RAD51B: variants seen among roughly 807,000 people sequenced by gnomAD.
The protein encoded by RAD51B is RAD51 paralog B.
Under a neutral mutation model 42.2 loss-of-function variants are expected in RAD51B, and 38 were observed. The ratio of observed to expected loss-of-function variants is 0.90; its 90% CI spans 0.70 to 1.18. RAD51B has a LOEUF of 1.18. Ranked by LOEUF, RAD51B falls within the 50% of genes most tolerant of loss-of-function variation. The pLI, the probability that RAD51B is intolerant of heterozygous loss-of-function variation, is 0.00. For synonymous variants in RAD51B, 154 were observed against 145.2 expected (o/e 1.06, Z -0.43); for missense variants, 373 against 400.7 (o/e 0.93, Z 0.59).
intron 7 of RAD51B, among the ~76,000 whole-genome samples, chr14:68,131,915 GTTTAAGATAGAC>G (rs1289563283): frequency 6.6e-6 from 1 of 152,152 alleles, no homozygotes; most frequent in Non-Finnish European, 1.5e-5. Context: ...TTGGGGATAT[GTTTAAGATAGAC>G]TTGTTTAATT....
chr14:68,365,420 T>G (rs763273746), intron 8 of RAD51B, among the ~76,000 whole-genome samples: 8 of 152,248 alleles, frequency 5.3e-5, no homozygotes, highest in Non-Finnish European at 1.2e-4. Flanking sequence ...CCTCAGAGCT[T>G]ACATGCGTAA....
chr14:68,094,674 A>G (rs1347373669), intron 7 of RAD51B, among the ~76,000 whole-genome samples: 1 of 152,224 alleles, frequency 6.6e-6, no homozygotes, highest in African/African-American at 2.4e-5. Flanking sequence ...CAGACTGATA[A>G]TAATAGTATA....
chr14:68,122,106 A>G (rs1412697528), intron 7 of RAD51B, among the ~76,000 whole-genome samples: 1 of 152,184 alleles, frequency 6.6e-6, no homozygotes, highest in African/African-American at 2.4e-5. Flanking sequence ...ACAATGATTT[A>G]AATGTGAAAA....
At chr14:68,628,333 A>T (rs1159892782) in intron 10 of RAD51B, 1 of 152,124 alleles carries the variant, frequency 6.6e-6, no homozygotes, top group African/African-American at 2.4e-5. Flanking sequence ...GGAAGGGGTT[A>T]ACGCAGCGCC....
At chr14:68,350,211 G>A (rs1297996915) in intron 8 of RAD51B, among the ~76,000 whole-genome samples, 1 of 152,218 alleles carries the variant, frequency 6.6e-6, no homozygotes, top group Non-Finnish European at 1.5e-5. Context: ...ATTAGGGCTT[G>A]TTAACGCTGG....
chr14:68,167,106 T>A (rs188064174), intron 7 of RAD51B, among the ~76,000 whole-genome samples: 43 of 152,318 alleles, frequency 2.8e-4, no homozygotes, highest in Non-Finnish European at 5.3e-4. Flanking sequence ...TGTCTCATTT[T>A]AAAAATATTT....
intron 10 of RAD51B, among the ~76,000 whole-genome samples, chr14:68,473,049 A>G (rs1216790634): frequency 6.6e-6 from 1 of 152,166 alleles, no homozygotes; most frequent in African/African-American, 2.4e-5. Context: ...TGTCCCCCCA[A>G]ATACCACCAC....
At chr14:68,670,414 GC>G (rs1893132334) in intron 11 of RAD51B, among the ~76,000 whole-genome samples, 1 of 152,206 alleles carries the variant, frequency 6.6e-6, no homozygotes, top group Non-Finnish European at 1.5e-5. Flanking sequence ...TTCTTTATGG[GC>G]ATTTCTGCTG....
intron 10 of RAD51B, among the ~76,000 whole-genome samples, chr14:68,493,814 T>C (rs969787902): frequency 2.0e-4 from 31 of 152,222 alleles, no homozygotes; most frequent in African/African-American, 7.2e-4. Flanking sequence ...CTAAAGGCAA[T>C]TGATGAACTA....
intron 10 of RAD51B, among the ~76,000 whole-genome samples, chr14:68,503,563 A>G (rs1176149190): frequency 6.6e-6 from 1 of 152,104 alleles, no homozygotes; most frequent in Non-Finnish European, 1.5e-5. Flanking sequence ...CCAGGTGACA[A>G]ACAGAGATTC....
intron 7 of RAD51B, among the ~76,000 whole-genome samples, chr14:68,289,017 G>A (rs2081465758): frequency 1.3e-5 from 2 of 152,050 alleles, no homozygotes; most frequent in Non-Finnish European, 1.5e-5. Flanking sequence ...TTCTTACTAA[G>A]ATTTTTACAC....
intron 10 of RAD51B, among the ~76,000 whole-genome samples, chr14:68,490,139 G>A (rs1288575179): frequency 1.3e-5 from 2 of 152,184 alleles, no homozygotes; most frequent in African/African-American, 4.8e-5. Context: ...TGTGCAGAAT[G>A]GTTTGTTATG....
At chr14:68,314,785 G>T (rs1456308651) in intron 8 of RAD51B, among the ~76,000 whole-genome samples, 3 of 152,210 alleles carry the variant, frequency 2.0e-5, no homozygotes, top group African/African-American at 7.2e-5. Context: ...CAGAGCTCCT[G>T]TAGAGCGTGC....
At chr14:68,619,152 G>C (rs1007071649) in intron 10 of RAD51B, among the ~76,000 whole-genome samples, 2 of 152,122 alleles carry the variant, frequency 1.3e-5, no homozygotes, top group African/African-American at 2.4e-5. Context: ...TTTTTAACTA[G>C]AAAGACAAAT....
chr14:68,098,732 A>C (rs1288886086), intron 7 of RAD51B, among the ~76,000 whole-genome samples: 1 of 152,186 alleles, frequency 6.6e-6, no homozygotes, highest in African/African-American at 2.4e-5. Context: ...ATTCAAGATG[A>C]GATTTGGGTG....
intron 9 of RAD51B, among the ~76,000 whole-genome samples, chr14:68,434,465 C>G (rs756871363): frequency 6.6e-6 from 1 of 152,212 alleles, no homozygotes; most frequent in Admixed American, 6.5e-5. Context: ...CCCCCAGCCT[C>G]GCTGCTGCCT....
At position 68,196,266 on chromosome 14, in the gene RAD51B, A is replaced by G. The variant is rs550834732; in HGVS notation, c.757-95618A>G. On this transcript the variant is annotated intron_variant, in intron 7 of 10. Coordinates refer to ENST00000471583, the MANE Select transcript of RAD51B (RefSeq NM_133510.4). ...ATTAATTAAATTCACTTTATGATCC[A>G]TTAATGATGTGAAATTTACTGTTCT... is the stretch of plus-strand genomic sequence containing the variant. Among the ~76,000 whole-genome samples the G allele has an allele frequency of 2.8e-4, 42 of 152,222 alleles. 1 individual carries two copies. Among genetic ancestry groups the G allele is most frequent in the Admixed American group, 7.9e-4 (12 of 15,286 alleles).
At chr14:67,990,676 C>T (rs924931198) in intron 7 of RAD51B, among the ~76,000 whole-genome samples, 31 of 151,970 alleles carry the variant, frequency 2.0e-4, no homozygotes, top group African/African-American at 7.5e-4. Context: ...CTATTTATTG[C>T]CTAAGAACTA....
chr14:68,410,493 C>G (rs574451860), intron 8 of RAD51B, among the ~76,000 whole-genome samples: 1 of 152,344 alleles, frequency 6.6e-6, no homozygotes, highest in South Asian at 2.1e-4. Flanking sequence ...AAATGTCCAA[C>G]TGTGCCCTCC....
Sources: allele counts gnomAD v4.1 joint callset (sites outside exome capture counted in the v4.1 genomes callset), GRCh38; gene constraint gnomAD v4.1.1; transcripts MANE v1.5; gene names NCBI Gene and HGNC (gene_info 2026-07-23, HGNC 2026-07-21).